The following GAGE10 variants were observed in gnomAD, a reference collection of about 807,000 sequenced individuals.
GAGE10 encodes G antigen 10.
A neutral mutation model predicts 11.5 loss-of-function variants in GAGE10; 9 were observed. The ratio of observed to expected loss-of-function variants is 0.78; its 90% CI spans 0.47 to 1.37. The LOEUF is 1.37. GAGE10 is among the 40% of genes most tolerant of loss of function. GAGE10 has a pLI of 0.00. For missense variants in GAGE10, 83 were observed against 92.9 expected (o/e 0.89, Z 0.44); for synonymous variants, 23 against 29.7 (o/e 0.77, Z 0.73).
At chrX:49,304,719 T>C (rs1602724598) in intron 1 of GAGE10, 133 bp from the exon 2 acceptor site, 14 of 383,101 alleles carry the variant, frequency 3.7e-5, no homozygotes, top group Middle Eastern at 1.1e-3. Context: ...GGTACACACA[T>C]ATGCTTAACT....
rs182502935 is a variant in GAGE10, at chrX:49,305,987, A to T, written c.202+463A>T. Among the ~76,000 whole-genome samples, 180 of 111,857 alleles carry T rather than the reference A, an allele frequency of 1.6e-3. 1 individual carries two copies. Among genetic ancestry groups the T allele is most frequent in the Non-Finnish European group, 1.1e-3 (61 of 53,183 alleles). On this transcript the variant is annotated intron_variant, in intron 3 of 4. Transcript: ENST00000407599. Reference sequence around the variant, plus strand: ...GGAGCAGGAGCAGCTCCAAAAACCGAGTCACTGAATGTCAGCCACTGTTTC... The same window carrying T: ...GGAGCAGGAGCAGCTCCAAAAACCGTGTCACTGAATGTCAGCCACTGTTTC...
intron 3 of GAGE10, among the ~76,000 whole-genome samples, chrX:49,310,644 A>C (rs1208748832): frequency 9.0e-6 from 1 of 110,549 alleles, no homozygotes; most frequent in Non-Finnish European, 1.9e-5. Context: ...ACCGGGCTCC[A>C]TCCTTTTAGG....
intron 3 of GAGE10, among the ~76,000 whole-genome samples, chrX:49,315,039 G>A (rs2066386967): frequency 8.9e-6 from 1 of 111,749 alleles, no homozygotes; most frequent in Non-Finnish European, 1.9e-5. Context: ...ATGGAGAAAT[G>A]CCCAGAATGA....
intron 4 of GAGE10, 144 bp downstream of exon 4, chrX:49,317,432 C>A (rs186770618): frequency 1.8e-4 from 175 of 973,077 alleles, no homozygotes; most frequent in Admixed American, 2.4e-4. Context: ...ATTGGAAATT[C>A]CGCCTTCTGG....
At chrX:49,313,500 G>C (rs1236386965) in intron 3 of GAGE10, among the ~76,000 whole-genome samples, 1 of 111,743 alleles carries the variant, frequency 8.9e-6, no homozygotes, top group African/African-American at 3.3e-5. Flanking sequence ...GGAGACAGAT[G>C]CAGGCTTTAG....
chrX:49,304,503 C>T (rs1486906748), intron 1 of GAGE10, among the ~76,000 whole-genome samples: 1 of 112,953 alleles, frequency 8.9e-6, no homozygotes, highest in Middle Eastern at 4.6e-3. Context: ...TTACTCGGGA[C>T]GCTGAGGTGG....
rs1557125371 is a variant in GAGE10 at position 49,317,227 on chromosome X, T to C, written c.267T>C (p.Asp89=). 3 of 1,207,617 alleles carry C rather than the reference T, an allele frequency of 2.5e-6. No homozygotes were observed. The highest frequency in any genetic ancestry group is 3.5e-5 in the South Asian group (2 of 56,898). The part of the protein sequence containing the change: ...VHPKTGCECG[D]GPDGQEMGLP... Reference sequence around the variant, plus strand: ...CAAAGACTGGGTGTGAGTGTGGAGATGGTCCTGATGGCCAGGAGATGGGCC... The same window carrying C: ...CAAAGACTGGGTGTGAGTGTGGAGACGGTCCTGATGGCCAGGAGATGGGCC... Residue 89 remains aspartate, a synonymous_variant, in exon 4 of 5, where the codon GAT becomes GAC. Transcript: ENST00000407599.
At chrX:49,317,025 T>A in intron 3 of GAGE10, 138 bp from the exon 4 acceptor site, 1 of 835,061 alleles carries the variant, frequency 1.2e-6, no homozygotes, top group Non-Finnish European at 1.6e-6. Flanking sequence ...GAAATAATGT[T>A]CATGGGATTC....
intron 3 of GAGE10, among the ~76,000 whole-genome samples, chrX:49,309,190 G>A (rs1369416718): frequency 8.9e-6 from 1 of 111,813 alleles, no homozygotes; most frequent in African/African-American, 3.3e-5. Flanking sequence ...AAGTGAGAGT[G>A]AAAGTGCGCC....
rs782231380 is a variant in GAGE10, at chrX:49,317,271, T to A, written c.311T>A (p.Val104Glu). Residue 104 changes from valine to glutamate, a missense_variant, in exon 4 of 5, where the codon GTG (valine) becomes GAG (glutamate). Transcript: ENST00000407599. ...ATGGGCCTGCCAAATCCAGAGGAGG[T>A]GAAAAGGCCTGAAGAAGGTAGGGAA... ...QEMGLPNPEE[V>E]KRPEEGEKQS... 3.3e-6 allele frequency: 4 copies of A among 1,205,050 alleles called. No individual in the cohort carries two copies. Among genetic ancestry groups the A allele is most frequent in the Non-Finnish European group, 4.5e-6 (4 of 891,869 alleles).
intron 2 of GAGE10, 151 bp downstream of exon 2, chrX:49,305,091 A>G (rs1557123925): frequency 1.0e-6 from 1 of 985,720 alleles, no homozygotes; most frequent in Admixed American, 3.3e-5. Flanking sequence ...TTGATTCTGG[A>G]GAATTTTTTT....
At chrX:49,315,979 G>A (rs2066390288) in intron 3 of GAGE10, among the ~76,000 whole-genome samples, 1 of 112,140 alleles carries the variant, frequency 8.9e-6, no homozygotes, top group Non-Finnish European at 1.9e-5. Flanking sequence ...AAGAAGCCCA[G>A]CTCCACGAAG....
rs1295028886 is a variant in GAGE10 at position 49,318,304 on chromosome X, G to GGTTT, written c.328+1030_328+1033dup. 3.1e-5 allele frequency among the ~76,000 whole-genome samples: 2 copies of GGTTT among 65,326 alleles called. 1 individual carries two copies. Among genetic ancestry groups the GGTTT allele is most frequent in the African/African-American group, 1.0e-4 (2 of 19,773 alleles). The allele number at this position is 65,326 out of a possible 115,157, so 56.7% of individuals were successfully genotyped here. On this transcript the variant is annotated intron_variant, in intron 4 of 4. Transcript: ENST00000407599. ...GAAATTGTGAATTCTCCCTCTTCTT[G>GGTTT]GTTTGTTTGTTTGTTTGGGACAGAG...
chrX:49,316,438 A>G (rs1424068868), intron 3 of GAGE10, among the ~76,000 whole-genome samples: 1 of 112,147 alleles, frequency 8.9e-6, no homozygotes, highest in African/African-American at 3.2e-5. Context: ...TTTGGGGCTC[A>G]GTCCTTTGGA....
chrX:49,306,128 C>CT (rs782135419), intron 3 of GAGE10, among the ~76,000 whole-genome samples: 1 of 112,019 alleles, frequency 8.9e-6, no homozygotes, highest in African/African-American at 3.2e-5. Flanking sequence ...TGATTAAATC[C>CT]TTTTATGGTT....
chrX:49,317,417 G>C (rs1175605554), intron 4 of GAGE10, 129 bp downstream of exon 4: 6 of 1,010,208 alleles, frequency 5.9e-6, no homozygotes, highest in Non-Finnish European at 8.0e-6. Flanking sequence ...GTGGCATCTC[G>C]GCTCATTGGA....
chrX:49,316,672 A>T (rs2066392856), intron 3 of GAGE10, among the ~76,000 whole-genome samples: 1 of 111,977 alleles, frequency 8.9e-6, no homozygotes, highest in Non-Finnish European at 1.9e-5. Flanking sequence ...TGTTTCCTTA[A>T]TTTGTCTTTG....
chrX:49,310,264 G>A (rs1183750082), intron 3 of GAGE10, among the ~76,000 whole-genome samples: 2 of 111,750 alleles, frequency 1.8e-5, no homozygotes, highest in African/African-American at 6.5e-5. Context: ...CTACCAAGGT[G>A]TACATTAACT....
intron 1 of GAGE10, among the ~76,000 whole-genome samples, chrX:49,304,198 G>A (rs2066347223): frequency 8.9e-6 from 1 of 111,816 alleles, no homozygotes; most frequent in Admixed American, 9.4e-5. Flanking sequence ...ACTGCGGGCT[G>A]GTGAGTGCCC....
Sources: allele counts gnomAD v4.1 joint callset (sites outside exome capture counted in the v4.1 genomes callset), GRCh38; gene constraint gnomAD v4.1.1; transcripts MANE v1.5; gene names NCBI Gene and HGNC (gene_info 2026-07-23, HGNC 2026-07-21).